The following PIK3C2A variants were observed in gnomAD, a reference collection of about 807,000 sequenced individuals.
PIK3C2A encodes the protein phosphatidylinositol-4-phosphate 3-kinase catalytic subunit type 2 alpha, also known as phosphatidylinositol 4-phosphate 3-kinase C2 domain-containing subunit alpha.
Under a neutral mutation model 204.5 loss-of-function variants are expected in PIK3C2A, and 97 were observed. The ratio of observed to expected loss-of-function variants is 0.47; its 90% CI spans 0.40 to 0.56. The LOEUF is 0.56. PIK3C2A is among the 20% of genes least tolerant of loss of function. The pLI is 0.00. For missense variants in PIK3C2A, 1,735 were observed against 1,969.2 expected, an observed-to-expected ratio of 0.88 and a Z score of 2.25; for synonymous variants, 653 against 664.4, an observed-to-expected ratio of 0.98 and a Z score of 0.26.
chr11:17,119,396 G>C (rs1849303393), intron 16 of PIK3C2A, 83 bp from the exon 17 acceptor site: 1 of 782,274 alleles, frequency 1.3e-6, no homozygotes, highest in South Asian at 1.5e-5. Context: ...ATCTCAATCT[G>C]GTCCTGACAA....
At chr11:17,096,597 C>A (rs987760460) in intron 27 of PIK3C2A, among the ~76,000 whole-genome samples, 2 of 151,902 alleles carry the variant, frequency 1.3e-5, no homozygotes, top group African/African-American at 2.4e-5. Context: ...TATCTATTTG[C>A]CAAAAATTTA....
chr11:17,146,186 T>C (rs1590960879), intron 6 of PIK3C2A, among the ~76,000 whole-genome samples: 1 of 152,194 alleles, frequency 6.6e-6, no homozygotes, highest in South Asian at 2.1e-4. Context: ...TACTTTCAGA[T>C]ATATAAATAG....
chr11:17,100,931 T>A (rs1848606128), intron 25 of PIK3C2A, among the ~76,000 whole-genome samples: 1 of 152,174 alleles, frequency 6.6e-6, no homozygotes, highest in Non-Finnish European at 1.5e-5. Context: ...AAATCTTCAT[T>A]GTACAGCTGA....
rs576611490 is a variant in PIK3C2A at position 17,159,133 on chromosome 11, A to T, written c.1066-3504T>A. 2.0e-5 allele frequency among the ~76,000 whole-genome samples: 3 copies of T among 152,266 alleles called. No individual in the cohort carries two copies. In the South Asian group the frequency reaches 6.2e-4, roughly 32 times the overall value. ...CACAAACAAACCAAAGCATCAAATC[A>T]TCTCTTTTCTCCATGGATCTTGCAC... On this transcript the variant is annotated intron_variant, in intron 2 of 32. Transcript: ENST00000691414.
intron 13 of PIK3C2A, among the ~76,000 whole-genome samples, chr11:17,128,991 G>C (rs567120091): frequency 2.0e-5 from 3 of 152,322 alleles, no homozygotes; most frequent in Admixed American, 1.3e-4. Context: ...GAACTTACAA[G>C]ACTGTGGTAT....
intron 12 of PIK3C2A, among the ~76,000 whole-genome samples, chr11:17,129,862 C>T (rs1310232501): frequency 6.6e-6 from 1 of 152,240 alleles, no homozygotes. Flanking sequence ...GCTAGGATTA[C>T]AGGCGTGAGC....
At chr11:17,119,746 C>A in intron 16 of PIK3C2A, 40 bp downstream of exon 16, 1 of 1,298,370 alleles carries the variant, frequency 7.7e-7, no homozygotes, top group Non-Finnish European at 1.1e-6. Flanking sequence ...ACTGGAAAAA[C>A]TGACAATAAA....
chr11:17,200,041 C>G (rs1245812201), intron 1 of PIK3C2A, among the ~76,000 whole-genome samples: 1 of 151,808 alleles, frequency 6.6e-6, no homozygotes, highest in Non-Finnish European at 1.5e-5. Flanking sequence ...CAAAAATTAG[C>G]TGGGCATAGT....
At chr11:17,146,219 T>A (rs1272660806) in intron 6 of PIK3C2A, among the ~76,000 whole-genome samples, 1 of 152,230 alleles carries the variant, frequency 6.6e-6, no homozygotes, top group African/African-American at 2.4e-5. Context: ...AAACTACTTC[T>A]GTTCTATATA....
chr11:17,131,570 C>T (rs915891466), intron 12 of PIK3C2A, among the ~76,000 whole-genome samples: 3 of 151,714 alleles, frequency 2.0e-5, no homozygotes, highest in Admixed American at 6.6e-5. Flanking sequence ...CACAGGCGCC[C>T]GCCACCACGC....
At chr11:17,158,413 A>G (rs1379615220) in intron 2 of PIK3C2A, among the ~76,000 whole-genome samples, 2 of 150,342 alleles carry the variant, frequency 1.3e-5, no homozygotes, top group African/African-American at 4.9e-5. Context: ...GCATTCATTT[A>G]TATACTTATT....
intron 29 of PIK3C2A, 27 bp from the exon 30 acceptor site, chr11:17,092,095 T>C (rs768043463): frequency 1.3e-6 from 2 of 1,537,606 alleles, no homozygotes; most frequent in Non-Finnish European, 9.0e-7. Context: ...AGCAATTCAT[T>C]AGTTTAAATA....
intron 1 of PIK3C2A, among the ~76,000 whole-genome samples, chr11:17,206,775 C>T (rs1279932533): frequency 6.6e-6 from 1 of 152,138 alleles, no homozygotes; most frequent in African/African-American, 2.4e-5. Context: ...CAGCTTTCTT[C>T]TTCTTGCATC....
At position 17,207,207 on chromosome 11, in the gene PIK3C2A, G is replaced by A. The variant is rs116312676; in HGVS notation, c.-66+641C>T. Among the ~76,000 whole-genome samples the A allele has an allele frequency of 5.9e-3, 906 of 152,334 alleles. 18 individuals are homozygous for A. Among genetic ancestry groups the A allele is most frequent in the African/African-American group, 0.021 (862 of 41,572 alleles). On this transcript the variant is annotated intron_variant, in intron 1 of 32. Transcript: ENST00000691414. ...TTATGATTCCTCCGTCACTCAGGAAGAGTTAAGCTAGTATTTTTTAATCTG... is the reference window on the plus strand; with the variant it reads ...TTATGATTCCTCCGTCACTCAGGAAAAGTTAAGCTAGTATTTTTTAATCTG...
chr11:17,120,457 G>A (rs1031233057), intron 15 of PIK3C2A, among the ~76,000 whole-genome samples: 8 of 151,696 alleles, frequency 5.3e-5, no homozygotes, highest in Admixed American at 1.3e-4. Flanking sequence ...AAATGTTTAC[G>A]TGAATGAAAT....
intron 1 of PIK3C2A, chr11:17,194,218 G>T: frequency 2.5e-6 from 1 of 395,732 alleles, no homozygotes; most frequent in Non-Finnish European, 4.4e-6. Flanking sequence ...ACAAGGACAA[G>T]GATCAAACCA....
chr11:17,183,382 T>C (rs1180858251), intron 1 of PIK3C2A, among the ~76,000 whole-genome samples: 1 of 152,162 alleles, frequency 6.6e-6, no homozygotes, highest in African/African-American at 2.4e-5. Context: ...AACTTATAAA[T>C]TAAACTTTAC....
intron 19 of PIK3C2A, among the ~76,000 whole-genome samples, chr11:17,116,828 A>C (rs751323236): frequency 2.0e-5 from 3 of 152,096 alleles, no homozygotes; most frequent in Non-Finnish European, 2.9e-5. Flanking sequence ...TGACCTCGTG[A>C]TCTGCCCGCC....
chr11:17,202,879 A>C (rs1212737897), intron 1 of PIK3C2A, among the ~76,000 whole-genome samples: 1 of 152,208 alleles, frequency 6.6e-6, no homozygotes, highest in African/African-American at 2.4e-5. Flanking sequence ...CCAACATTGC[A>C]CATCAGTCAT....
Sources: gnomAD v4.1 joint callset for allele counts (sites outside exome capture counted in the v4.1 genomes callset) on GRCh38, gnomAD v4.1.1 for gene constraint, MANE v1.5 for transcripts, NCBI Gene and HGNC (gene_info 2026-07-23, HGNC 2026-07-21) for gene names.